The following BNC2 variants were observed in gnomAD, a reference collection of about 807,000 sequenced individuals.
The protein encoded by BNC2 is basonuclin zinc finger protein 2.
Under a neutral mutation model 76.3 loss-of-function variants are expected in BNC2, and 20 were observed. The observed-to-expected ratio is 0.26, with a 90% CI of 0.18 to 0.38. The LOEUF (loss-of-function observed/expected upper bound fraction) is 0.38, where lower values mean the gene tolerates loss of function less well. BNC2 is among the 10% of genes least tolerant of loss of function. The pLI, the probability that BNC2 is intolerant of heterozygous loss-of-function variation, is 1.00. For missense variants in BNC2, 1,382 were observed against 1,399.8 expected (o/e 0.99, Z 0.20); for synonymous variants, 582 against 514.8 (o/e 1.13, Z -1.77).
chr9:16,431,119 C>T (rs1464702503), intron 6 of BNC2, among the ~76,000 whole-genome samples: 1 of 152,140 alleles, frequency 6.6e-6, no homozygotes, highest in Non-Finnish European at 1.5e-5. Context: ...TGACTTCTTA[C>T]TATACAGATC....
intron 3 of BNC2, chr9:16,664,952 G>A (rs1587290018): frequency 3.1e-6 from 1 of 327,298 alleles, no homozygotes; most frequent in East Asian, 1.1e-4. Flanking sequence ...AGAATAGGCA[G>A]GTTATAGGCA....
At chr9:16,800,671 A>T (rs1245877035) in intron 1 of BNC2, among the ~76,000 whole-genome samples, 2 of 152,206 alleles carry the variant, frequency 1.3e-5, no homozygotes, top group African/African-American at 4.8e-5. Flanking sequence ...GATAATTTTT[A>T]AATAATTTTC....
At chr9:16,739,440 G>A (rs1185291887) in intron 1 of BNC2, among the ~76,000 whole-genome samples, 2 of 152,208 alleles carry the variant, frequency 1.3e-5, no homozygotes, top group Non-Finnish European at 2.9e-5. Context: ...AAGCCGAGGC[G>A]GGCAGATAAC....
At chr9:16,627,329 T>A (rs115845946) in intron 3 of BNC2, among the ~76,000 whole-genome samples, 4,330 of 152,276 alleles carry the variant, frequency 0.028, 127 homozygotes, top group South Asian at 0.17. Context: ...AGTGTCAGAA[T>A]GAAGCAGAAG....
rs1273895896 is a variant in BNC2, at chr9:16,738,470, T to TA, written c.18_19insT (p.Thr7TyrfsTer6). ...TAATTAAGGCTATGTGGAGGTGGGG[T>TA]GGGCCCAAGGTGTGCCTATTGAGAG... On this transcript the variant is annotated frameshift_variant, in exon 2 of 7. Coordinates refer to ENST00000380672, the MANE Select transcript of BNC2 (RefSeq NM_017637.6). LOFTEE classifies it high-confidence loss of function. The TA allele has an allele frequency of 6.2e-7, 1 of 1,613,910 alleles. No individual in the cohort carries two copies. Among genetic ancestry groups the TA allele is most frequent in the African/African-American group, 1.3e-5 (1 of 74,916 alleles).
chr9:16,528,338 C>T (rs1462780802), intron 5 of BNC2, among the ~76,000 whole-genome samples: 1 of 152,102 alleles, frequency 6.6e-6, no homozygotes, highest in Admixed American at 6.5e-5. Context: ...CAGAAATTTT[C>T]AGTTCCTAGA....
chr9:16,575,311 A>G (rs1274595309), intron 4 of BNC2: 1 of 985,004 alleles, frequency 1.0e-6, no homozygotes, highest in Non-Finnish European at 1.2e-6. Context: ...CATTCTCAAC[A>G]CCCTCCCACG....
At chr9:16,457,029 C>T (rs1333962387) in intron 5 of BNC2, among the ~76,000 whole-genome samples, 5 of 151,992 alleles carry the variant, frequency 3.3e-5, no homozygotes, top group African/African-American at 4.8e-5. Flanking sequence ...ACAAAGAGAA[C>T]GAACATTGTG....
intron 5 of BNC2, among the ~76,000 whole-genome samples, chr9:16,493,723 G>C (rs750305214): frequency 6.6e-6 from 1 of 152,182 alleles, no homozygotes; most frequent in African/African-American, 2.4e-5. Context: ...TGCTGGGAAA[G>C]GGTACTCTAC....
chr9:16,462,323 A>C (rs1821600379), intron 5 of BNC2, among the ~76,000 whole-genome samples: 1 of 152,232 alleles, frequency 6.6e-6, no homozygotes, highest in Non-Finnish European at 1.5e-5. Context: ...ATCTAAGAAC[A>C]GCTCAGGAGC....
At chr9:16,789,966 A>C (rs1250758368) in intron 1 of BNC2, among the ~76,000 whole-genome samples, 1 of 152,236 alleles carries the variant, frequency 6.6e-6, no homozygotes, top group Non-Finnish European at 1.5e-5. Flanking sequence ...TGATAATGCA[A>C]TACCACAAAA....
At chr9:16,585,879 C>G (rs78952842) in intron 3 of BNC2, among the ~76,000 whole-genome samples, 8,117 of 151,990 alleles carry the variant, frequency 0.053, 251 homozygotes, top group Middle Eastern at 0.12. Context: ...TCTGGGCACT[C>G]GGGACAAGAC....
intron 3 of BNC2, among the ~76,000 whole-genome samples, chr9:16,652,012 T>G (rs765802578): frequency 7.9e-5 from 12 of 152,212 alleles, no homozygotes; most frequent in Admixed American, 2.6e-4. Context: ...AGCATATGTG[T>G]TCCTCAGCTC....
At chr9:16,424,446 G>A (rs1587010533) in intron 6 of BNC2, among the ~76,000 whole-genome samples, 1 of 151,908 alleles carries the variant, frequency 6.6e-6, no homozygotes, top group East Asian at 1.9e-4. Flanking sequence ...ATGCCTCAAG[G>A]GAAAAATAAC....
chr9:16,554,253 T>C (rs991313519), intron 4 of BNC2, among the ~76,000 whole-genome samples: 1 of 152,216 alleles, frequency 6.6e-6, no homozygotes, highest in Admixed American at 6.5e-5. Context: ...TAAAAGTGCG[T>C]GCACACAGAT....
At chr9:16,673,434 A>AC (rs1453369890) in intron 3 of BNC2, among the ~76,000 whole-genome samples, 64 of 109,100 alleles carry the variant, frequency 5.9e-4, no homozygotes, top group African/African-American at 3.4e-3. Context: ...GAGATTTAAA[A>AC]AAAAAAAAAA....
intron 3 of BNC2, among the ~76,000 whole-genome samples, chr9:16,692,619 A>C (rs889345930): frequency 1.1e-4 from 17 of 152,314 alleles, no homozygotes; most frequent in Non-Finnish European, 2.5e-4. Flanking sequence ...GAGAACTTTG[A>C]GACCACGATG....
rs192293160 is a variant in BNC2 at position 16,648,163 on chromosome 9, G to C, written c.331-65078C>G. ...GCAAACATAAAAATTATTCACTAGA[G>C]AGATAAATGCTCTGCTGCTAATGTG... On this transcript the variant is annotated intron_variant, in intron 3 of 6. Transcript: ENST00000380672. Among the ~76,000 whole-genome samples, 124 of 152,284 alleles carry C rather than the reference G, an allele frequency of 8.1e-4. 1 individual carries two copies. Among genetic ancestry groups the C allele is most frequent in the African/African-American group, 2.5e-3 (103 of 41,562 alleles).
At chr9:16,498,144 C>CCT in intron 5 of BNC2, among the ~76,000 whole-genome samples, 1 of 126,486 alleles carries the variant, frequency 7.9e-6, no homozygotes, top group Non-Finnish European at 1.6e-5. Flanking sequence ...TATATTCTAT[C>CCT]ATATATATTC....
Sources: allele counts gnomAD v4.1 joint callset (sites outside exome capture counted in the v4.1 genomes callset), GRCh38; gene constraint gnomAD v4.1.1; transcripts MANE v1.5; gene names NCBI Gene and HGNC (gene_info 2026-07-23, HGNC 2026-07-21).